Variants in CPVL observed in about 807,000 individuals in gnomAD.
CPVL encodes the protein carboxypeptidase vitellogenic like.
Under a neutral mutation model 63.7 loss-of-function variants are expected in CPVL, and 51 were observed. The ratio of observed to expected loss-of-function variants is 0.80; its 90% CI spans 0.64 to 1.01. CPVL has a LOEUF of 1.01. Among genes scored for constraint, CPVL ranks in the 50% least tolerant of loss-of-function variants. The pLI is 0.00. For synonymous variants in CPVL, 195 were observed against 206.0 expected (o/e 0.95, Z 0.46); for missense variants, 530 against 573.1 (o/e 0.92, Z 0.77).
intron 5 of CPVL, among the ~76,000 whole-genome samples, chr7:29,169,110 T>A (rs1055839700): frequency 1.3e-5 from 2 of 152,166 alleles, no homozygotes; most frequent in Non-Finnish European, 2.9e-5. Context: ...AACATGGAAT[T>A]TTCCCCATTT....
chr7:29,180,047 T>C (rs1797864847), intron 5 of CPVL, among the ~76,000 whole-genome samples: 1 of 152,228 alleles, frequency 6.6e-6, no homozygotes, highest in African/African-American at 2.4e-5. Flanking sequence ...CTTTCATCAA[T>C]GATGTAGGTT....
exon 1 of CPVL, chr7:29,195,268 G>C (rs1489312590): frequency 5.0e-6 from 2 of 398,752 alleles, no homozygotes. Context: ...AGCGAAAAGC[G>C]AAAGGAGCGG....
upstream of CPVL, among the ~76,000 whole-genome samples, chr7:29,150,504 C>T (rs904780476): frequency 3.9e-5 from 6 of 152,120 alleles, no homozygotes; most frequent in Admixed American, 6.5e-5. Context: ...GACCTATAGC[C>T]GGAGCTTTGC....
chr7:29,127,242 AACATT>A (rs1790129223), intron 1 of CPVL, among the ~76,000 whole-genome samples: 1 of 152,188 alleles, frequency 6.6e-6, no homozygotes, highest in Admixed American at 6.5e-5. Flanking sequence ...GTAAAATGTA[AACATT>A]ATCCCAACAT....
intron 4 of CPVL, among the ~76,000 whole-genome samples, chr7:29,183,160 T>C (rs1007240365): frequency 1.3e-5 from 2 of 151,290 alleles, no homozygotes; most frequent in African/African-American, 2.4e-5. Flanking sequence ...TCTTGGCTCA[T>C]TGTAACCTCC....
chr7:29,184,597 G>C (rs949914797), intron 3 of CPVL: 1 of 152,156 alleles, frequency 6.6e-6, no homozygotes, highest in Non-Finnish European at 1.5e-5. Flanking sequence ...CATCACAAGA[G>C]TTTTCTCTTA....
In CPVL at chr7:29,112,689, C is replaced by A. The variant is rs752889555; in HGVS notation, c.288+15G>T. On this transcript the variant is annotated intron_variant, in intron 3 of 12. Coordinates refer to ENST00000265394, the MANE Select transcript of CPVL (RefSeq NM_031311.5). ...CAGGTCTTGAACACTGGTGTTCTTT[C>A]TGTTGGGCACCTACCTGAGCTGGGA... 5 of 1,569,282 alleles carry A rather than the reference C, an allele frequency of 3.2e-6. No individual in the cohort carries two copies. The highest frequency in any genetic ancestry group is 4.4e-6 in the Non-Finnish European group (5 of 1,140,048).
chr7:29,056,454 A>G (rs1487764903), intron 11 of CPVL, among the ~76,000 whole-genome samples: 1 of 152,200 alleles, frequency 6.6e-6, no homozygotes, highest in Non-Finnish European at 1.5e-5. Context: ...TAGCCTTTTC[A>G]GATTGGCTTC....
upstream of CPVL, chr7:29,148,634 T>A (rs1029553289): frequency 1.3e-5 from 2 of 152,240 alleles, no homozygotes; most frequent in Non-Finnish European, 2.9e-5. Flanking sequence ...CTTAAGAAGT[T>A]ATTAAAGCTT....
At chr7:29,123,920 A>T (rs1283179112) in intron 1 of CPVL, among the ~76,000 whole-genome samples, 1 of 151,984 alleles carries the variant, frequency 6.6e-6, no homozygotes, top group African/African-American at 2.4e-5. Context: ...AATTGATATA[A>T]ATCTAATACA....
intron 5 of CPVL, among the ~76,000 whole-genome samples, chr7:29,160,839 G>C (rs1795074626): frequency 6.6e-6 from 1 of 152,154 alleles, no homozygotes; most frequent in African/African-American, 2.4e-5. Context: ...ACATTCAAAT[G>C]ATAATATCTA....
At chr7:29,120,446 A>ATAT (rs1789245754) in intron 2 of CPVL, among the ~76,000 whole-genome samples, 2 of 144,918 alleles carry the variant, frequency 1.4e-5, no homozygotes, top group African/African-American at 5.1e-5. Flanking sequence ...ACAAACAAAC[A>ATAT]AAATATATAT....
intron 11 of CPVL, among the ~76,000 whole-genome samples, chr7:29,035,535 T>A (rs1417134922): frequency 6.6e-6 from 1 of 152,170 alleles, no homozygotes; most frequent in Non-Finnish European, 1.5e-5. Context: ...TTTGGCTCTA[T>A]GGACAGGATG....
intron 5 of CPVL, among the ~76,000 whole-genome samples, chr7:29,157,849 C>T (rs1584470628): frequency 6.6e-6 from 1 of 152,162 alleles, no homozygotes; most frequent in East Asian, 1.9e-4. Context: ...AAAAAAAATC[C>T]TTCTATGTAG....
chr7:29,056,244 C>T lies in CPVL; in HGVS notation c.1137+7817G>A, dbSNP rs554458572. 7.2e-5 allele frequency among the ~76,000 whole-genome samples: 11 copies of T among 152,280 alleles called. No homozygotes were observed. In the East Asian group the frequency reaches 1.9e-3, roughly 27 times the overall value. On this transcript the variant is annotated intron_variant, in intron 11 of 12. Coordinates refer to ENST00000265394, the MANE Select transcript of CPVL (RefSeq NM_031311.5). ...ATTAGAACTCACTGTTGGTGTTATG[C>T]GGTCCATGGGTTTTGACAAATGCAT... is the stretch of plus-strand genomic sequence containing the variant.
intron 12 of CPVL, chr7:29,012,402 G>A (rs903407046): frequency 6.6e-6 from 1 of 152,160 alleles, no homozygotes; most frequent in East Asian, 1.9e-4. Flanking sequence ...AAAACTGCTG[G>A]GAAAAGGAAA....
At chr7:28,999,995 C>T (rs189599357) in intron 12 of CPVL, among the ~76,000 whole-genome samples, 3 of 152,168 alleles carry the variant, frequency 2.0e-5, no homozygotes, top group Admixed American at 6.5e-5. Context: ...GCTGTAATTA[C>T]GTATTTAAAT....
chr7:29,039,464 C>A (rs779059182), intron 11 of CPVL, among the ~76,000 whole-genome samples: 7 of 152,166 alleles, frequency 4.6e-5, no homozygotes, highest in Non-Finnish European at 2.9e-5. Flanking sequence ...AAATTTAAGT[C>A]AGGCAGTGCC....
chr7:29,137,650 T>C (rs950889326), intron 1 of CPVL, among the ~76,000 whole-genome samples: 1 of 152,218 alleles, frequency 6.6e-6, no homozygotes, highest in Non-Finnish European at 1.5e-5. Flanking sequence ...AGGCTGCTCT[T>C]TGTTAGAAAA....
Sources: allele counts gnomAD v4.1 joint callset (sites outside exome capture counted in the v4.1 genomes callset), GRCh38; gene constraint gnomAD v4.1.1; transcripts MANE v1.5; gene names NCBI Gene and HGNC (gene_info 2026-07-23, HGNC 2026-07-21).